Variants in CAMSAP2 observed in about 807,000 individuals in gnomAD.
CAMSAP2 encodes calmodulin regulated spectrin associated protein family member 2.
A neutral mutation model predicts 146.1 loss-of-function variants in CAMSAP2; 26 were observed. The ratio of observed to expected loss-of-function variants is 0.18; its 90% confidence interval spans 0.13 to 0.25. The LOEUF is 0.25. Ranked by LOEUF, CAMSAP2 falls within the 10% of genes least tolerant of loss-of-function variation. The pLI, the probability that CAMSAP2 is intolerant of heterozygous loss-of-function variation, is 1.00. For synonymous variants in CAMSAP2, 499 were observed against 596.6 expected (o/e 0.84, Z 2.38); for missense variants, 1,381 against 1,759.3 (o/e 0.78, Z 3.85).
intron 2 of CAMSAP2, among the ~76,000 whole-genome samples, chr1:200,783,924 T>C (rs1391884088): frequency 6.6e-6 from 1 of 152,226 alleles, no homozygotes; most frequent in African/African-American, 2.4e-5. Flanking sequence ...GTTGTAAAGA[T>C]TTTTTTCCCC....
rs1553288218 is a variant in CAMSAP2, at chr1:200,816,605, A to ATATAT, written c.645+961_645+962insTATAT. On this transcript the variant is annotated intron_variant, in intron 4 of 16. Transcript: ENST00000358823. ...GCAAAACTTCATCTCAAAAAAAAAA[A>ATATAT]ATATATATATATATATATATGTATA... Among the ~76,000 whole-genome samples, 16 of 111,226 alleles carry ATATAT rather than the reference A, an allele frequency of 1.4e-4. No homozygotes were observed. The East Asian group carries it at 1.5e-3, about 11-fold the overall frequency. 73.0% of individuals were successfully genotyped at this position (111,226 alleles called of 152,430 possible).
At chr1:200,783,880 A>G (rs1298285225) in intron 2 of CAMSAP2, among the ~76,000 whole-genome samples, 2 of 152,050 alleles carry the variant, frequency 1.3e-5, no homozygotes, top group Non-Finnish European at 1.5e-5. Flanking sequence ...TAGTGCTTTT[A>G]TGTCCTAAGA....
chr1:200,821,183 T>TC (rs1281024857), intron 4 of CAMSAP2, among the ~76,000 whole-genome samples: 5 of 150,978 alleles, frequency 3.3e-5, no homozygotes, highest in Non-Finnish European at 5.9e-5. Context: ...TTCTTCTTCT[T>TC]TTTTTTTTTT....
In CAMSAP2 at chr1:200,857,923, A is replaced by T; in HGVS notation, c.4301A>T (p.Asn1434Ile). The T allele has an allele frequency of 6.2e-7, 1 of 1,613,922 alleles. No individual in the cohort carries two copies. The highest frequency in any genetic ancestry group is 8.5e-7 in the Non-Finnish European group (1 of 1,179,860). ...ATGATTGAAGGACTTTACAAATATA[A>T]TTCTGACAGGAAACAGTTTAGCCAC... ...KKMIEGLYKYNSDRKQFSHIP... is the reference protein window; with the variant it reads ...KKMIEGLYKYISDRKQFSHIP... Residue 1434 changes from asparagine (N) to isoleucine (I), a missense_variant, in exon 17 of 17, where the codon AAT becomes ATT. Physicochemically the swap from Asn to Ile is moderately radical, Grantham distance 149. This residue lies in a region of CAMSAP2 where 90 missense variants were observed against 174.4 expected (regional missense o/e 0.52). Transcript: ENST00000358823. The surrounding 1 kb of genome is among the most constrained non-coding windows in gnomAD (Gnocchi z 4.7).
At chr1:200,763,701 G>C (rs1338428032) in intron 2 of CAMSAP2, among the ~76,000 whole-genome samples, 1 of 152,176 alleles carries the variant, frequency 6.6e-6, no homozygotes. Flanking sequence ...CATTTTGATT[G>C]ATGATATTTA....
Position 200,849,777 on chromosome 1 carries a change from G to A in CAMSAP2, c.3008G>A (p.Arg1003Gln), listed in dbSNP as rs1299826864. 1.2e-6 allele frequency: 2 copies of A among 1,613,972 alleles called. No homozygotes were observed. The highest frequency in any genetic ancestry group is 1.7e-6 in the Non-Finnish European group (2 of 1,180,036). Reference protein sequence around the residue: ...TPPRSVDSLPRLRRFSPSQVP... With the variant: ...TPPRSVDSLPQLRRFSPSQVP... Reference sequence around the variant, plus strand: ...CCTCGGTCTGTGGATAGCCTTCCTCGGTTAAGGAGGTTTTCACCAAGTCAA... The same window carrying A: ...CCTCGGTCTGTGGATAGCCTTCCTCAGTTAAGGAGGTTTTCACCAAGTCAA... The change falls in exon 11 of 17, where the codon CGG (arginine) becomes CAG (glutamine). Residue 1003 changes from arginine (R) to glutamine (Q), a missense_variant. Physicochemically the swap from Arg to Gln is conservative, Grantham distance 43. Transcript: ENST00000358823. The surrounding 1 kb of genome is among the most constrained non-coding windows in gnomAD (Gnocchi z 6.3).
chr1:200,777,625 A>G (rs1558172687), intron 2 of CAMSAP2, among the ~76,000 whole-genome samples: 2 of 152,046 alleles, frequency 1.3e-5, no homozygotes, highest in African/African-American at 2.4e-5. Context: ...TTATTTTTAT[A>G]TAATGGAGCC....
chr1:200,761,484 C>A (rs993097987), intron 2 of CAMSAP2, among the ~76,000 whole-genome samples: 2 of 152,058 alleles, frequency 1.3e-5, no homozygotes, highest in Non-Finnish European at 2.9e-5. Context: ...GCCTGTAATC[C>A]CAGCACTTTG....
At chr1:200,755,188 G>A (rs2102996003) in intron 1 of CAMSAP2, among the ~76,000 whole-genome samples, 1 of 152,278 alleles carries the variant, frequency 6.6e-6, no homozygotes, top group African/African-American at 2.4e-5. Context: ...GAAGGTATTA[G>A]AAACCAAGAT....
intron 4 of CAMSAP2, among the ~76,000 whole-genome samples, chr1:200,826,708 A>T (rs1666915451): frequency 6.6e-6 from 1 of 152,176 alleles, no homozygotes; most frequent in African/African-American, 2.4e-5. Context: ...TGAGCCAAAC[A>T]TGTATTATAA....
chr1:200,854,233 T>G (rs1249655668), intron 13 of CAMSAP2, among the ~76,000 whole-genome samples: 1 of 152,168 alleles, frequency 6.6e-6, no homozygotes, highest in Non-Finnish European at 1.5e-5. Context: ...CTGCCTGCCT[T>G]GGCCTCCCAA....
At chr1:200,796,682 T>G (rs1257871696) in intron 2 of CAMSAP2, among the ~76,000 whole-genome samples, 8 of 152,048 alleles carry the variant, frequency 5.3e-5, no homozygotes, top group Non-Finnish European at 1.0e-4. Flanking sequence ...TCTTTTTTTT[T>G]TTTTATACTT....
chr1:200,805,717 CTT>C (rs1666154111), intron 2 of CAMSAP2, among the ~76,000 whole-genome samples: 1 of 152,126 alleles, frequency 6.6e-6, no homozygotes, highest in African/African-American at 2.4e-5. Flanking sequence ...AACGACAAAA[CTT>C]AGTCTGTATT....
chr1:200,778,471 A>G (rs951047991), intron 2 of CAMSAP2, among the ~76,000 whole-genome samples: 6 of 152,200 alleles, frequency 3.9e-5, no homozygotes, highest in East Asian at 1.9e-4. Flanking sequence ...CTGCTTTATC[A>G]TTTTAATATA....
intron 2 of CAMSAP2, among the ~76,000 whole-genome samples, chr1:200,788,643 CTT>C (rs71564133): frequency 1.0e-3 from 128 of 122,390 alleles, no homozygotes; most frequent in Admixed American, 1.4e-3. Context: ...TTCTTTTTTT[CTT>C]TTTTTTTTTT....
chr1:200,803,939 T>G (rs1406412506), intron 2 of CAMSAP2, among the ~76,000 whole-genome samples: 3 of 151,982 alleles, frequency 2.0e-5, no homozygotes, highest in Non-Finnish European at 2.9e-5. Context: ...CTTTTTTTTT[T>G]TCTTTGAGAC....
chr1:200,747,450 A>G (rs1475600321), intron 1 of CAMSAP2, among the ~76,000 whole-genome samples: 1 of 152,188 alleles, frequency 6.6e-6, no homozygotes, highest in African/African-American at 2.4e-5. Context: ...GAACATTTTG[A>G]GGGGAATGTA....
rs1221396266 is a variant in CAMSAP2 at position 200,825,513 on chromosome 1, T to TC, written c.646-6687_646-6686insC. ...TCTTTCTTTCTTTCTTTCTTCCTTT[T>TC]TTTTTTTTTTTGAGACAGAGTCTTG... On this transcript the variant is annotated intron_variant, in intron 4 of 16. Coordinates refer to ENST00000358823, the MANE Select transcript of CAMSAP2 (RefSeq NM_203459.4). Among the ~76,000 whole-genome samples the TC allele has an allele frequency of 4.6e-5, 7 of 151,266 alleles. No individual in the cohort carries two copies. The East Asian group carries it at 1.3e-3, about 29-fold the overall frequency.
At chr1:200,749,388 A>G (rs547586493) in intron 1 of CAMSAP2, among the ~76,000 whole-genome samples, 2 of 152,372 alleles carry the variant, frequency 1.3e-5, no homozygotes, top group South Asian at 4.1e-4. Flanking sequence ...GGCATCATCA[A>G]TGGGTAGCTG....
Sources: gnomAD v4.1 joint callset for allele counts (sites outside exome capture counted in the v4.1 genomes callset) on GRCh38, gnomAD v4.1.1 for gene constraint, gnomAD v4.1.1 regional missense constraint, Gnocchi (gnomAD v3.1) non-coding constraint, MANE v1.5 for transcripts, NCBI Gene and HGNC (gene_info 2026-07-23, HGNC 2026-07-21) for gene names.